ASXL1: variants seen among roughly 807,000 people sequenced by gnomAD.
ASXL1 encodes the protein ASXL transcriptional regulator 1.
ASXL1 carries 65 observed loss-of-function variants against 89.1 expected under a neutral mutation model. The observed-to-expected ratio is 0.73, with a 90% CI of 0.60 to 0.90. The LOEUF (loss-of-function observed/expected upper bound fraction) is 0.90. Ranked by LOEUF, ASXL1 falls within the 40% of genes least tolerant of loss-of-function variation. The pLI is 0.00. For missense variants in ASXL1, 1,786 were observed against 1,942.9 expected, an observed-to-expected ratio of 0.92 and a Z score of 1.52; for synonymous variants, 739 against 746.9, an observed-to-expected ratio of 0.99 and a Z score of 0.17.
At chr20:32,401,712 C>T (rs531881509) in intron 4 of ASXL1, among the ~76,000 whole-genome samples, 4 of 152,134 alleles carry the variant, frequency 2.6e-5, no homozygotes, top group East Asian at 1.9e-4. Context: ...CGTGTTACCA[C>T]GCAGGCTAAT....
chr20:32,376,132 G>T lies in ASXL1; in HGVS notation c.252+7009G>T, dbSNP rs373231753. Among the ~76,000 whole-genome samples the T allele has an allele frequency of 2.5e-4, 38 of 152,288 alleles. No individual in the cohort carries two copies. In the East Asian group the frequency reaches 4.8e-3, roughly 19 times the overall value. The stretch of plus-strand genomic sequence containing the variant: ...GTTGTCCAAAGGATTCAGCAGCAAA[G>T]GATGAAAGTGGTGGGAAGTTTTGCA... On this transcript the variant is annotated intron_variant, in intron 4 of 12. Coordinates refer to ENST00000375687, the MANE Select transcript of ASXL1 (RefSeq NM_015338.6).
chr20:32,401,598 C>T (rs1267835585), intron 4 of ASXL1, among the ~76,000 whole-genome samples: 1 of 147,988 alleles, frequency 6.8e-6, no homozygotes, highest in Non-Finnish European at 1.5e-5. Context: ...TCTCGTCACC[C>T]AGACTAGGGT....
rs747785632 is a variant in ASXL1, at chr20:32,429,914, C to T, written c.579C>T (p.Cys193=). Reference sequence around the variant, plus strand: ...CTGTGCCTTCAGGGTTCTCGGGCTGCCACGCCGATGGCGAGAGCGGCAGCC... The same window carrying T: ...CTGTGCCTTCAGGGTTCTCGGGCTGTCACGCCGATGGCGAGAGCGGCAGCC... ...HVESASGFSG[C]HADGESGSPS... is the part of the protein sequence containing the mutation. Residue 193 remains cysteine, a synonymous_variant, in exon 8 of 13, where the codon TGC becomes TGT. Coordinates refer to ENST00000375687, the MANE Select transcript of ASXL1 (RefSeq NM_015338.6). This position sits in a 1 kb window ranked among gnomAD's most constrained non-coding sequence, Gnocchi z 4.9. 2 of 1,607,834 alleles carry T rather than the reference C, an allele frequency of 1.2e-6. No individual in the cohort carries two copies. The highest frequency in any genetic ancestry group is 1.1e-5 in the South Asian group (1 of 90,940).
At chr20:32,415,020 T>C (rs1001036738) in intron 4 of ASXL1, among the ~76,000 whole-genome samples, 3 of 151,792 alleles carry the variant, frequency 2.0e-5, no homozygotes, top group African/African-American at 4.8e-5. Flanking sequence ...TTGTTTTGTT[T>C]TGTTTGAGAT....
At chr20:32,410,827 G>C (rs1179468767) in intron 4 of ASXL1, among the ~76,000 whole-genome samples, 2 of 152,044 alleles carry the variant, frequency 1.3e-5, no homozygotes, top group Non-Finnish European at 2.9e-5. Flanking sequence ...TCAGGAGTTT[G>C]AGACCAGCCT....
chr20:32,380,143 G>A (rs920699878), intron 4 of ASXL1, among the ~76,000 whole-genome samples: 22 of 150,996 alleles, frequency 1.5e-4, no homozygotes, highest in Admixed American at 1.5e-3. Flanking sequence ...TTAGCTGGGC[G>A]TGGTGGCGGC....
chr20:32,407,296 A>G (rs1321000505), intron 4 of ASXL1, among the ~76,000 whole-genome samples: 1 of 151,348 alleles, frequency 6.6e-6, no homozygotes, highest in Non-Finnish European at 1.5e-5. Flanking sequence ...GTGAGCTGAG[A>G]TCGTGCCACT....
intron 10 of ASXL1, 92 bp from the exon 11 acceptor site, chr20:32,432,788 C>T (rs146443603): frequency 2.1e-5 from 30 of 1,446,832 alleles, no homozygotes; most frequent in Admixed American, 1.5e-4. Flanking sequence ...TTAGAAGAGA[C>T]GTGTTGTTTT....
At chr20:32,418,750 G>A (rs1245475637) in intron 4 of ASXL1, among the ~76,000 whole-genome samples, 1 of 141,010 alleles carries the variant, frequency 7.1e-6, no homozygotes, top group Non-Finnish European at 1.5e-5. Flanking sequence ...AAAAGATCGT[G>A]TTGAGAGCTT....
chr20:32,379,183 T>C (rs1393008785), intron 4 of ASXL1, among the ~76,000 whole-genome samples: 1 of 87,094 alleles, frequency 1.1e-5, no homozygotes, highest in Non-Finnish European at 2.5e-5. Flanking sequence ...TTTTTTTTTT[T>C]TTTTTTTTTT....
At chr20:32,359,462 C>G in intron 1 of ASXL1, 2 of 691,742 alleles carry the variant, frequency 2.9e-6, no homozygotes, top group African/African-American at 1.8e-5. Context: ...TTCGTAAGAC[C>G]TGCTGAGCCT....
chr20:32,390,059 C>G (rs754932153), intron 4 of ASXL1, among the ~76,000 whole-genome samples: 1 of 152,146 alleles, frequency 6.6e-6, no homozygotes, highest in African/African-American at 2.4e-5. Context: ...GTAAGCCCAC[C>G]TTAAGTTGAA....
chr20:32,383,835 C>G (rs6058670), intron 4 of ASXL1, among the ~76,000 whole-genome samples: 6 of 152,304 alleles, frequency 3.9e-5, no homozygotes, highest in African/African-American at 1.4e-4. Flanking sequence ...GACTCTGAAA[C>G]TGCTTTTGAA....
At chr20:32,419,712 G>A (rs182021405) in intron 4 of ASXL1, among the ~76,000 whole-genome samples, 1 of 138,226 alleles carries the variant, frequency 7.2e-6, no homozygotes, top group Non-Finnish European at 1.5e-5. Context: ...ACAGAGTTTC[G>A]CTCTTGTTGC....
intron 4 of ASXL1, among the ~76,000 whole-genome samples, chr20:32,385,023 C>T (rs2048554866): frequency 2.0e-5 from 3 of 151,458 alleles, no homozygotes; most frequent in African/African-American, 7.3e-5. Flanking sequence ...TGCATTTGAT[C>T]TCAATCCTTC....
At chr20:32,417,547 G>A (rs1375300454) in intron 4 of ASXL1, among the ~76,000 whole-genome samples, 1 of 152,114 alleles carries the variant, frequency 6.6e-6, no homozygotes, top group Non-Finnish European at 1.5e-5. Flanking sequence ...TTTAAATGGA[G>A]AAGCCTTTTC....
chr20:32,409,731 C>T (rs2049013359), intron 4 of ASXL1, among the ~76,000 whole-genome samples: 1 of 151,782 alleles, frequency 6.6e-6, no homozygotes, highest in Admixed American at 6.6e-5. Context: ...GCCTGGGCAA[C>T]AATAGTGAGA....
chr20:32,377,135 ATATT>A (rs1228737557), intron 4 of ASXL1, among the ~76,000 whole-genome samples: 3 of 137,412 alleles, frequency 2.2e-5, no homozygotes, highest in South Asian at 2.2e-4. Context: ...AATATAATAT[ATATT>A]ATATATTATA....
intron 4 of ASXL1, among the ~76,000 whole-genome samples, chr20:32,423,413 G>GTA (rs71958053): frequency 2.6e-5 from 4 of 151,068 alleles, no homozygotes; most frequent in South Asian, 2.1e-4. Context: ...GTGTGTGTGT[G>GTA]TATATTTAGT....
Sources: allele counts gnomAD v4.1 joint callset (sites outside exome capture counted in the v4.1 genomes callset), GRCh38; gene constraint gnomAD v4.1.1; non-coding constraint Gnocchi (gnomAD v3.1); transcripts MANE v1.5; gene names NCBI Gene and HGNC (gene_info 2026-07-23, HGNC 2026-07-21).